The following VLDLR variants were observed in gnomAD, a reference collection of about 807,000 sequenced individuals.
The protein encoded by VLDLR is very low-density lipoprotein receptor.
Under a neutral mutation model 112.7 loss-of-function variants are expected in VLDLR, and 81 were observed. The ratio of observed to expected loss-of-function variants is 0.72; its 90% CI spans 0.60 to 0.86. VLDLR has a LOEUF of 0.86. Among genes scored for constraint, VLDLR ranks in the 40% least tolerant of loss-of-function variants. The pLI is 0.00. For missense variants in VLDLR, 1,237 were observed against 1,099.4 expected (o/e 1.13, Z -1.77); for synonymous variants, 436 against 384.8 (o/e 1.13, Z -1.56).
intron 2 of VLDLR, among the ~76,000 whole-genome samples, chr9:2,638,659 A>T (rs1331345882): frequency 6.6e-6 from 1 of 152,194 alleles, no homozygotes; most frequent in East Asian, 1.9e-4. Context: ...GTCCTGGTTT[A>T]TGCTTATCTT....
In VLDLR at chr9:2,652,648, T is replaced by C. The variant is rs1403278941; in HGVS notation, c.2417-132T>C. ...CCTGGCCCATGTGTATTCCAACTTCTAGTTATCCTAGCTCCATAAAACATG... is the reference window on the plus strand; with the variant it reads ...CCTGGCCCATGTGTATTCCAACTTCCAGTTATCCTAGCTCCATAAAACATG... On this transcript the variant is annotated intron_variant, in intron 17 of 18. Coordinates refer to ENST00000382100, the MANE Select transcript of VLDLR (RefSeq NM_003383.5). 4.0e-6 allele frequency: 5 copies of C among 1,249,588 alleles called. No individual in the cohort carries two copies. In the Admixed American group the frequency reaches 9.8e-5, roughly 25 times the overall value. The allele number at this position is 1,249,588 out of a possible 1,614,324, so 77.4% of individuals were successfully genotyped here. A position where few individuals can be genotyped will look rare whatever the true frequency, so the allele number is the denominator to read the frequency against.
intron 1 of VLDLR, among the ~76,000 whole-genome samples, chr9:2,622,683 C>T (rs1354702123): frequency 6.6e-6 from 1 of 152,030 alleles, no homozygotes; most frequent in Non-Finnish European, 1.5e-5. Context: ...GCCTCGGGCG[C>T]ACCCTCGAAC....
rs1336291946 is a variant in VLDLR at position 2,656,825 on chromosome 9, G to GCTAAT, written c.*2961_*2965dup. 1.3e-5 allele frequency: 2 copies of GCTAAT among 150,712 alleles called. No individual in the cohort carries two copies. The highest frequency in any genetic ancestry group is 4.9e-5 in the African/African-American group (2 of 41,020). The allele number at this position is 150,712 out of a possible 1,614,324, so 9.3% of individuals were successfully genotyped here. On this transcript the variant is annotated 3_prime_UTR_variant, in exon 19 of 19. Coordinates refer to ENST00000382100, the MANE Select transcript of VLDLR (RefSeq NM_003383.5). ...CCAAATTTTTAAGTGCCCTTTGCAA[G>GCTAAT]CTAATCTATTTGGCAAAAAAATAGT... is the stretch of plus-strand genomic sequence containing the variant.
At chr9:2,634,291 A>G (rs1817502716) in intron 1 of VLDLR, among the ~76,000 whole-genome samples, 1 of 152,182 alleles carries the variant, frequency 6.6e-6, no homozygotes, top group Non-Finnish European at 1.5e-5. Flanking sequence ...TTGTCTCTGT[A>G]ATATCAGTTC....
chr9:2,646,620 C>A, intron 11 of VLDLR, 68 bp downstream of exon 11: 2 of 1,383,822 alleles, frequency 1.4e-6, no homozygotes, highest in Non-Finnish European at 2.0e-6. Context: ...TTTCTCATAC[C>A]TGAATTAGTA....
chr9:2,621,821 C>T lies in VLDLR; in HGVS notation c.-369C>T. ...TCCGGCCGCCGCCGGTGCGGGTGCT[C>T]CGCTACCGGCTCCTCTCCGTTCTGT... is the stretch of plus-strand genomic sequence containing the variant. On this transcript the variant is annotated 5_prime_UTR_variant, in exon 1 of 19. Coordinates refer to ENST00000382100, the MANE Select transcript of VLDLR (RefSeq NM_003383.5). 1 of 496,854 alleles carries T rather than the reference C, an allele frequency of 2.0e-6. No individual in the cohort carries two copies. The highest frequency in any genetic ancestry group is 3.9e-6 in the Non-Finnish European group (1 of 259,464). The allele number at this position is 496,854 out of a possible 1,614,324, so 30.8% of individuals were successfully genotyped here. A position where few individuals can be genotyped will look rare whatever the true frequency, so the allele number is the denominator to read the frequency against.
At chr9:2,651,562 CTTAAATAA>C in intron 16 of VLDLR, 64 bp downstream of exon 16, 1 of 1,409,128 alleles carries the variant, frequency 7.1e-7, no homozygotes, top group South Asian at 1.2e-5. Flanking sequence ...GTATCTACAG[CTTAAATAA>C]TTAATGCAGC....
intron 9 of VLDLR, 38 bp downstream of exon 9, chr9:2,645,120 A>C: frequency 6.2e-7 from 1 of 1,613,712 alleles, no homozygotes; most frequent in Non-Finnish European, 8.5e-7. Flanking sequence ...TTGTACCTTT[A>C]TGAGTAAGTG....
chr9:2,651,414 G>C lies in VLDLR; in HGVS notation c.2252-1G>C, dbSNP rs1369334817. ...CCAGGTTCTTGGTTTTTATAATTCA[G>C]GTACTGCAACTACTGTGACTTACAG... is the stretch of plus-strand genomic sequence containing the variant. On this transcript the variant is annotated splice_acceptor_variant, in intron 15 of 18. Transcript: ENST00000382100. LOFTEE classifies it high-confidence loss of function. 6.2e-7 allele frequency: 1 copy of C among 1,613,502 alleles called. No homozygotes were observed. The highest frequency in any genetic ancestry group is 1.3e-5 in the African/African-American group (1 of 74,888).
rs1363733957 is a variant in VLDLR, at chr9:2,656,186, T to A, written c.*2318T>A. ...CTCAAAGAGTCTAAAACGTCTCATT[T>A]TTTTTTACCACGTCCTCCCCAGTAA... is the stretch of plus-strand genomic sequence containing the variant. On this transcript the variant is annotated 3_prime_UTR_variant, in exon 19 of 19. Transcript: ENST00000382100. 1 of 152,168 alleles carries A rather than the reference T, an allele frequency of 6.6e-6. No individual in the cohort carries two copies. The highest frequency in any genetic ancestry group is 2.4e-5 in the African/African-American group (1 of 41,438). 9.4% of individuals were successfully genotyped at this position (152,168 alleles called of 1,614,324 possible).
intron 1 of VLDLR, among the ~76,000 whole-genome samples, chr9:2,625,736 G>C (rs879664106): frequency 7.9e-5 from 12 of 152,180 alleles, no homozygotes; most frequent in Non-Finnish European, 1.2e-4. Flanking sequence ...ACAACAGAGT[G>C]ATAGACTACT....
intron 4 of VLDLR, among the ~76,000 whole-genome samples, chr9:2,642,325 C>A (rs1397291707): frequency 1.3e-5 from 2 of 152,178 alleles, no homozygotes; most frequent in Admixed American, 6.5e-5. Flanking sequence ...AGTTGAAACA[C>A]CAGTCTTGTG....
chr9:2,627,590 C>T (rs909175097), intron 1 of VLDLR, among the ~76,000 whole-genome samples: 3 of 152,076 alleles, frequency 2.0e-5, no homozygotes, highest in African/African-American at 7.2e-5. Context: ...AGAGGCCGGG[C>T]GCGGTGGCTC....
chr9:2,635,631 G>T (rs1817570783), intron 2 of VLDLR, 59 bp downstream of exon 2: 8 of 1,609,724 alleles, frequency 5.0e-6, no homozygotes, highest in Non-Finnish European at 6.8e-6. Context: ...ATCTTAGTCT[G>T]CAAATGTATT....
intron 15 of VLDLR, 119 bp downstream of exon 15, chr9:2,650,635 A>G (rs1199384439): frequency 1.4e-6 from 2 of 1,387,422 alleles, no homozygotes; most frequent in Non-Finnish European, 2.0e-6. Flanking sequence ...TTGAGAAGAT[A>G]TCTGCTATTG....
chr9:2,649,556 T>G (rs931914276), intron 14 of VLDLR, among the ~76,000 whole-genome samples: 2 of 152,130 alleles, frequency 1.3e-5, no homozygotes, highest in African/African-American at 4.8e-5. Flanking sequence ...CACGTCCAGC[T>G]AAACTTTGTA....
rs1817088711 is a variant in VLDLR, at chr9:2,626,391, G to A, written c.82+4120G>A. 2.6e-5 allele frequency among the ~76,000 whole-genome samples: 4 copies of A among 152,250 alleles called. No homozygotes were observed. In the South Asian group the frequency reaches 8.3e-4, roughly 32 times the overall value. On this transcript the variant is annotated intron_variant, in intron 1 of 18. Coordinates refer to ENST00000382100, the MANE Select transcript of VLDLR (RefSeq NM_003383.5). ...TTTCCACACTTACGGCATCATGTCA[G>A]CACTCAAAGTTTTGGATTTTGGAGC...
chr9:2,647,521 C>G lies in VLDLR; in HGVS notation c.1751C>G (p.Ala584Gly). The G allele has an allele frequency of 6.2e-7, 1 of 1,614,124 alleles. No homozygotes were observed. Among genetic ancestry groups the G allele is most frequent in the Non-Finnish European group, 8.5e-7 (1 of 1,179,998 alleles). Residue 584 changes from alanine (A) to glycine (G), a missense_variant, in exon 12 of 19, where the codon GCA becomes GGA. Coordinates refer to ENST00000382100, the MANE Select transcript of VLDLR (RefSeq NM_003383.5). ...DWGEPAKIEK[A>G]GMNGFDRRPL... is the part of the protein sequence containing the mutation. ...GGTGAACCAGCTAAAATAGAAAAAG[C>G]AGGAATGAATGGATTCGATAGACGT...
intron 14 of VLDLR, among the ~76,000 whole-genome samples, chr9:2,649,672 G>A (rs992555136): frequency 6.6e-6 from 1 of 152,188 alleles, no homozygotes; most frequent in Non-Finnish European, 1.5e-5. Context: ...AATTACAGGC[G>A]TGAGCTGTAA....
Sources: allele counts gnomAD v4.1 joint callset (sites outside exome capture counted in the v4.1 genomes callset), GRCh38; gene constraint gnomAD v4.1.1; transcripts MANE v1.5; gene names NCBI Gene and HGNC (gene_info 2026-07-23, HGNC 2026-07-21).